SYT7: variants seen among roughly 807,000 people sequenced by gnomAD.
SYT7 encodes synaptotagmin-7.
A neutral mutation model predicts 75.1 loss-of-function variants in SYT7; 29 were observed. That is an observed-to-expected ratio of 0.39 (90% CI 0.29 to 0.53). The LOEUF (loss-of-function observed/expected upper bound fraction) is 0.53, where lower values mean the gene tolerates loss of function less well. Ranked by LOEUF, SYT7 falls within the 20% of genes least tolerant of loss-of-function variation. SYT7 has a pLI of 0.77. For missense variants in SYT7, 693 were observed against 953.2 expected, an observed-to-expected ratio of 0.73 and a Z score of 3.59; for synonymous variants, 376 against 401.7, an observed-to-expected ratio of 0.94 and a Z score of 0.76.
At chr11:61,519,005 G>C in intron 12 of SYT7, among the ~76,000 whole-genome samples, 1 of 152,256 alleles carries the variant, frequency 6.6e-6, no homozygotes, top group East Asian at 1.9e-4. Flanking sequence ...GGGTCTGGAA[G>C]GTGGGGTTGG....
At chr11:61,533,675 G>C in intron 7 of SYT7, 1 of 985,362 alleles carries the variant, frequency 1.0e-6, no homozygotes, top group Non-Finnish European at 1.2e-6. Flanking sequence ...GTGAGGTCAG[G>C]ACAACTCTCC....
At chr11:61,536,190 G>A (rs1477527450) in intron 7 of SYT7, among the ~76,000 whole-genome samples, 3 of 152,152 alleles carry the variant, frequency 2.0e-5, no homozygotes, top group African/African-American at 2.4e-5. Context: ...GCGAGGGCAC[G>A]CGGCCTCCAC....
chr11:61,578,162 C>T (rs1327737760), intron 1 of SYT7, among the ~76,000 whole-genome samples: 1 of 152,226 alleles, frequency 6.6e-6, no homozygotes, highest in African/African-American at 2.4e-5. Flanking sequence ...TTATTTCCCA[C>T]AGTCCTTTTC....
At chr11:61,574,775 C>T (rs969728646) in intron 1 of SYT7, among the ~76,000 whole-genome samples, 1 of 152,058 alleles carries the variant, frequency 6.6e-6, no homozygotes, top group African/African-American at 2.4e-5. Context: ...CTGCTATGTG[C>T]CAGCCATGCT....
chr11:61,583,725 G>T (rs2135491228), upstream of SYT7, among the ~76,000 whole-genome samples: 1 of 152,346 alleles, frequency 6.6e-6, no homozygotes, highest in Non-Finnish European at 1.5e-5. Context: ...GACGGTCCTT[G>T]TTCCAGGATG....
intron 1 of SYT7, among the ~76,000 whole-genome samples, chr11:61,579,818 C>T (rs2064195180): frequency 6.6e-6 from 1 of 152,180 alleles, no homozygotes; most frequent in Admixed American, 6.5e-5. Context: ...GAGAGAAGCC[C>T]AGAAACAGAC....
At chr11:61,541,671 G>A (rs2063046089) in intron 6 of SYT7, among the ~76,000 whole-genome samples, 1 of 149,830 alleles carries the variant, frequency 6.7e-6, no homozygotes, top group East Asian at 2.0e-4. Context: ...TAGAAGGTCA[G>A]AGAGATGGGG....
Position 61,567,955 on chromosome 11 carries a change from G to A in SYT7, c.32-11748C>T, listed in dbSNP as rs183354840. Among the ~76,000 whole-genome samples, 9 of 152,342 alleles carry A rather than the reference G, an allele frequency of 5.9e-5. No homozygotes were observed. In the East Asian group the frequency reaches 1.7e-3, roughly 29 times the overall value. The stretch of plus-strand genomic sequence containing the variant: ...CCTCAACCCAGCTGGCCAGACCTGG[G>A]GCAGGCAAAACTTCCTGCTCCCTCC... On this transcript the variant is annotated intron_variant, in intron 1 of 12. Transcript: ENST00000539008.
At chr11:61,547,441 C>T (rs2135280931) in intron 3 of SYT7, 133 bp from the exon 4 acceptor site, 1 of 1,039,132 alleles carries the variant, frequency 9.6e-7, no homozygotes. Context: ...TGGGTCAGCT[C>T]CTGCGGGAGG....
At chr11:61,530,850 G>C (rs1002624197) in intron 8 of SYT7, 5 of 985,320 alleles carry the variant, frequency 5.1e-6, no homozygotes, top group African/African-American at 3.5e-5. Flanking sequence ...AGCTGGGACA[G>C]AGCCATCTCT....
At chr11:61,538,797 C>T (rs1265889494) in intron 6 of SYT7, among the ~76,000 whole-genome samples, 2 of 152,206 alleles carry the variant, frequency 1.3e-5, no homozygotes, top group Non-Finnish European at 2.9e-5. Context: ...ACCGGCACCG[C>T]GCAGGCTTTG....
intron 9 of SYT7, 104 bp downstream of exon 9, chr11:61,527,811 G>A: frequency 7.3e-7 from 1 of 1,376,564 alleles, no homozygotes; most frequent in Non-Finnish European, 1.0e-6. Context: ...CTGCAGGTGT[G>A]TGTACACATA....
At position 61,524,508 on chromosome 11, in the gene SYT7, T is replaced by G; in HGVS notation, c.1496A>C (p.Gln499Pro). Residue 499 changes from glutamine to proline, a missense_variant, in exon 10 of 13, where the codon CAG becomes CCG. Physicochemically the swap from Gln to Pro is moderately conservative, Grantham distance 76 (BLOSUM62 -1). Transcript: ENST00000539008. This position sits in a 1 kb window ranked among gnomAD's most constrained non-coding sequence, Gnocchi z 4.1. ...FEGFPYEKVVQRILYLQVLDY... is the reference protein window; with the variant it reads ...FEGFPYEKVVPRILYLQVLDY... ...CAGGACTTGGAGGTAGAGGATCCTC[T>G]GCACCACCTTCTCATAGGGAAAACC... The G allele has an allele frequency of 1.2e-6, 2 of 1,601,906 alleles. No homozygotes were observed.
Position 61,514,810 on chromosome 11 carries a change from G to C in SYT7, c.*3817C>G, listed in dbSNP as rs533267535. On this transcript the variant is annotated 3_prime_UTR_variant, in exon 13 of 13. Coordinates refer to ENST00000539008, the MANE Select transcript of SYT7 (RefSeq NM_001365809.2). ...AACTAGAAGAGGGCTGAGAGAAGCC[G>C]CAGGTCCAGCCAACAGACACAGAGC... 2.0e-5 allele frequency among the ~76,000 whole-genome samples: 3 copies of C among 152,204 alleles called. No individual in the cohort carries two copies. Among genetic ancestry groups the C allele is most frequent in the Admixed American group, 2.0e-4 (3 of 15,280 alleles).
At position 61,556,066 on chromosome 11, in the gene SYT7, C is replaced by A. The variant is rs142914131; in HGVS notation, c.135+38G>T. On this transcript the variant is annotated intron_variant, in intron 2 of 12. Coordinates refer to ENST00000539008, the MANE Select transcript of SYT7 (RefSeq NM_001365809.2). ...TGGGGAGGGGGGGCAGTGTGCAGGG[C>A]TAGGCACCACCCTCCAAGGGGCCCT... 506 of 1,559,788 alleles carry A rather than the reference C, an allele frequency of 3.2e-4. 4 individuals are homozygous for A. The African/African-American group carries it at 6.0e-3, about 18-fold the overall frequency.
intron 7 of SYT7, among the ~76,000 whole-genome samples, chr11:61,534,816 T>C (rs982832887): frequency 2.7e-5 from 4 of 149,386 alleles, no homozygotes; most frequent in Non-Finnish European, 3.0e-5. Context: ...ATGGCACACA[T>C]GGACATGTGG....
intron 8 of SYT7, among the ~76,000 whole-genome samples, chr11:61,532,011 C>T (rs755681956): frequency 1.3e-5 from 2 of 151,226 alleles, no homozygotes; most frequent in Admixed American, 6.6e-5. Flanking sequence ...ATTTGAGAAA[C>T]GCCAGGCTAG....
At chr11:61,549,995 T>C (rs57058363) in intron 3 of SYT7, among the ~76,000 whole-genome samples, 9,462 of 152,264 alleles carry the variant, frequency 0.062, 603 homozygotes, top group African/African-American at 0.16. Context: ...CGGCCTGTCC[T>C]GGAGGAGGCA....
chr11:61,551,752 G>C lies in SYT7; in HGVS notation c.136-289C>G, dbSNP rs1372815190. On this transcript the variant is annotated intron_variant, in intron 2 of 12. Transcript: ENST00000539008. The surrounding 1 kb of genome is among the most constrained non-coding windows in gnomAD (Gnocchi z 5.3). ...GCCCCTCCTGTCTGCCTATCTCCTG[G>C]GGCTCTGGCCTAGCTCCCAGAAACA... Among the ~76,000 whole-genome samples the C allele has an allele frequency of 6.6e-6, 1 of 152,120 alleles. No individual in the cohort carries two copies. The highest frequency in any genetic ancestry group is 1.5e-5 in the Non-Finnish European group (1 of 67,994).
Sources: gnomAD v4.1 joint callset for allele counts (sites outside exome capture counted in the v4.1 genomes callset) on GRCh38, gnomAD v4.1.1 for gene constraint, Gnocchi (gnomAD v3.1) non-coding constraint, MANE v1.5 for transcripts, NCBI Gene and HGNC (gene_info 2026-07-23, HGNC 2026-07-21) for gene names.